SOX5: variants seen among roughly 807,000 people sequenced by gnomAD.
The protein encoded by SOX5 is SRY-box transcription factor 5, also known as transcription factor SOX-5.
A neutral mutation model predicts 92.0 loss-of-function variants in SOX5; 9 were observed. The ratio of observed to expected loss-of-function variants is 0.10; its 90% CI spans 0.06 to 0.17. SOX5 has a LOEUF of 0.17. Ranked by LOEUF, SOX5 falls within the 10% of genes least tolerant of loss-of-function variation. The probability of loss-of-function intolerance (pLI) is 1.00; values close to 1 mark genes in which losing one functional copy is unlikely to be tolerated. For synonymous variants in SOX5, 344 were observed against 336.3 expected (o/e 1.02, Z -0.25); for missense variants, 642 against 944.5 (o/e 0.68, Z 4.20).
chr12:24,004,824 G>A (rs1333330495), intron 4 of SOX5, among the ~76,000 whole-genome samples: 3 of 151,992 alleles, frequency 2.0e-5, no homozygotes. Flanking sequence ...TGTCATAGCA[G>A]CATTAGTCAC....
intron 1 of SOX5, among the ~76,000 whole-genome samples, chr12:24,522,247 T>C (rs1206589600): frequency 6.6e-6 from 1 of 151,862 alleles, no homozygotes; most frequent in Non-Finnish European, 1.5e-5. Context: ...TGAACAGATT[T>C]ATATATCTAG....
chr12:24,155,771 A>C (rs533468583), intron 4 of SOX5, among the ~76,000 whole-genome samples: 38 of 152,160 alleles, frequency 2.5e-4, no homozygotes, highest in Non-Finnish European at 5.4e-4. Flanking sequence ...TTAATTGGGT[A>C]TGGAGAGAAA....
chr12:23,694,568 T>C (rs558709531), intron 6 of SOX5, among the ~76,000 whole-genome samples: 8 of 152,280 alleles, frequency 5.3e-5, no homozygotes, highest in Non-Finnish European at 1.2e-4. Flanking sequence ...TACAGAGGTA[T>C]AATTTACATA....
chr12:24,224,614 G>A (rs937072136), intron 3 of SOX5, among the ~76,000 whole-genome samples: 3 of 151,952 alleles, frequency 2.0e-5, no homozygotes, highest in South Asian at 4.2e-4. Flanking sequence ...ATTACAGTTG[G>A]TGAATTTCAC....
chr12:23,541,791 A>G (rs901649746), intron 13 of SOX5, among the ~76,000 whole-genome samples: 2 of 152,108 alleles, frequency 1.3e-5, no homozygotes, highest in African/African-American at 4.8e-5. Context: ...GGTGGCATCT[A>G]TTATCTTTGT....
intron 4 of SOX5, among the ~76,000 whole-genome samples, chr12:23,960,594 A>G (rs1042917715): frequency 2.1e-5 from 3 of 144,358 alleles, no homozygotes; most frequent in Non-Finnish European, 4.6e-5. Flanking sequence ...CCTGAAGTCC[A>G]CTAATTAGGG....
chr12:24,022,893 C>T (rs537381777), intron 4 of SOX5, among the ~76,000 whole-genome samples: 6 of 150,358 alleles, frequency 4.0e-5, no homozygotes, highest in Middle Eastern at 3.4e-3. Context: ...AGGACATTAG[C>T]GCCCCCAACA....
intron 1 of SOX5, among the ~76,000 whole-genome samples, chr12:24,526,059 C>G (rs2955484): frequency 8.2e-4 from 125 of 151,998 alleles, no homozygotes; most frequent in Middle Eastern, 3.4e-3. Context: ...TCTGTAGAGA[C>G]AGGATTTTGC....
chr12:24,218,417 C>T (rs937364991), intron 3 of SOX5, among the ~76,000 whole-genome samples: 2 of 151,990 alleles, frequency 1.3e-5, no homozygotes, highest in Non-Finnish European at 1.5e-5. Context: ...AAGAAATGTC[C>T]AAAATAGGCT....
At position 24,103,729 on chromosome 12, in the gene SOX5, T is replaced by C. The variant is rs566140723; in HGVS notation, c.-2+109614A>G. Among the ~76,000 whole-genome samples the C allele has an allele frequency of 6.6e-5, 10 of 152,356 alleles. No individual in the cohort carries two copies. In the South Asian group the frequency reaches 1.9e-3, roughly 28 times the overall value. On this transcript the variant is annotated intron_variant, in intron 4 of 4. Coordinates refer to the SOX5 transcript ENST00000446891. Reference sequence around the variant, plus strand: ...TGGAGCTTTATATAACAACATCATATGAACAAACCAATCTTTTGTATCAAA... The same window carrying C: ...TGGAGCTTTATATAACAACATCATACGAACAAACCAATCTTTTGTATCAAA...
chr12:24,300,326 G>A (rs370792013), intron 2 of SOX5, among the ~76,000 whole-genome samples: 94 of 152,282 alleles, frequency 6.2e-4, no homozygotes, highest in African/African-American at 1.9e-3. Flanking sequence ...AACTATATGC[G>A]TTAGCTAGTT....
intron 1 of SOX5, among the ~76,000 whole-genome samples, chr12:24,414,357 G>A (rs1964643152): frequency 6.6e-6 from 1 of 151,956 alleles, no homozygotes; most frequent in South Asian, 2.1e-4. Flanking sequence ...GATCCCATTG[G>A]GGGAAAAAAA....
chr12:23,727,825 T>C (rs1298786477), intron 6 of SOX5, among the ~76,000 whole-genome samples: 1 of 152,096 alleles, frequency 6.6e-6, no homozygotes, highest in African/African-American at 2.4e-5. Context: ...GAGTAAAGTA[T>C]AGAGAACTGA....
intron 4 of SOX5, among the ~76,000 whole-genome samples, chr12:23,982,003 GA>G (rs1949616415): frequency 6.6e-6 from 1 of 152,040 alleles, no homozygotes. Flanking sequence ...AGAAGACAAA[GA>G]CCATATCATT....
intron 1 of SOX5, among the ~76,000 whole-genome samples, chr12:24,557,485 T>C (rs1953921582): frequency 6.6e-6 from 1 of 151,492 alleles, no homozygotes; most frequent in Non-Finnish European, 1.5e-5. Flanking sequence ...GATCTCTAAA[T>C]AACGTTTTGG....
At chr12:24,062,913 G>T (rs1940008494) in intron 4 of SOX5, among the ~76,000 whole-genome samples, 1 of 152,132 alleles carries the variant, frequency 6.6e-6, no homozygotes, top group African/African-American at 2.4e-5. Flanking sequence ...AACAACTCCT[G>T]GGAACAATAT....
intron 4 of SOX5, among the ~76,000 whole-genome samples, chr12:24,168,164 G>C (rs1187693711): frequency 6.6e-6 from 1 of 152,178 alleles, no homozygotes; most frequent in Non-Finnish European, 1.5e-5. Flanking sequence ...GAATAAGACA[G>C]TCTAAACTTG....
chr12:24,344,044 G>C (rs1037779887), intron 2 of SOX5, among the ~76,000 whole-genome samples: 1 of 152,028 alleles, frequency 6.6e-6, no homozygotes, highest in African/African-American at 2.4e-5. Context: ...CAGCACTTTG[G>C]GAGGCCGAGG....
At chr12:24,274,498 C>T (rs139369273) in intron 3 of SOX5, among the ~76,000 whole-genome samples, 1 of 152,258 alleles carries the variant, frequency 6.6e-6, no homozygotes, top group Non-Finnish European at 1.5e-5. Context: ...ACCTCTGACA[C>T]ATGAGAAGTC....
Sources: allele counts gnomAD v4.1 joint callset (sites outside exome capture counted in the v4.1 genomes callset), GRCh38; gene constraint gnomAD v4.1.1; transcripts MANE v1.5; gene names NCBI Gene and HGNC (gene_info 2026-07-23, HGNC 2026-07-21).